The following SH3RF3 variants were observed in gnomAD, a reference collection of about 807,000 sequenced individuals.
The protein encoded by SH3RF3 is E3 ubiquitin-protein ligase SH3RF3.
SH3RF3 carries 29 observed loss-of-function variants against 66.3 expected under a neutral mutation model. That is an observed-to-expected ratio of 0.44 (90% CI 0.33 to 0.60). The LOEUF is 0.60. Ranked by LOEUF, SH3RF3 falls within the 20% of genes least tolerant of loss-of-function variation. The pLI, the probability that SH3RF3 is intolerant of heterozygous loss-of-function variation, is 0.04. For synonymous variants in SH3RF3, 583 were observed against 532.0 expected, an observed-to-expected ratio of 1.10 and a Z score of -1.32; for missense variants, 1,194 against 1,190.9, an observed-to-expected ratio of 1.00 and a Z score of -0.04.
chr2:109,460,051 C>A (rs1678171065), intron 8 of SH3RF3, among the ~76,000 whole-genome samples: 1 of 152,228 alleles, frequency 6.6e-6, no homozygotes, highest in Admixed American at 6.5e-5. Context: ...TTCTGTCAAG[C>A]CAGCTGCCAG....
intron 1 of SH3RF3, among the ~76,000 whole-genome samples, chr2:109,191,949 C>T (rs6542802): frequency 0.49 from 73,980 of 151,912 alleles, 19,099 homozygotes; most frequent in South Asian, 0.61. Context: ...TGGTGCTTCT[C>T]GGATTGACAA....
intron 1 of SH3RF3, among the ~76,000 whole-genome samples, chr2:109,266,303 TTG>T: frequency 6.6e-6 from 1 of 151,538 alleles, no homozygotes; most frequent in African/African-American, 2.4e-5. Flanking sequence ...TGTGTATGTG[TTG>T]TGTGTGTGTT....
chr2:109,422,601 C>G (rs72945397), intron 5 of SH3RF3, among the ~76,000 whole-genome samples: 15,364 of 98,352 alleles, frequency 0.16, 1,121 homozygotes, highest in East Asian at 0.39. Flanking sequence ...CTTTCCACCC[C>G]CTGCTGTGTT....
At chr2:109,392,264 C>G (rs1676018942) in intron 3 of SH3RF3, among the ~76,000 whole-genome samples, 1 of 152,196 alleles carries the variant, frequency 6.6e-6, no homozygotes, top group Non-Finnish European at 1.5e-5. Flanking sequence ...TCCTCGTACT[C>G]TGCAGTGACG....
At chr2:109,335,445 T>G (rs1682390223) in intron 1 of SH3RF3, among the ~76,000 whole-genome samples, 1 of 152,156 alleles carries the variant, frequency 6.6e-6, no homozygotes, top group Non-Finnish European at 1.5e-5. Context: ...CCACCTCCTC[T>G]CTGCCCCTCA....
intron 1 of SH3RF3, among the ~76,000 whole-genome samples, chr2:109,257,972 C>G (rs1483998948): frequency 6.7e-6 from 1 of 149,270 alleles, no homozygotes; most frequent in Non-Finnish European, 1.5e-5. Flanking sequence ...GCATTTCTTT[C>G]CCTGCTTGAT....
chr2:109,261,751 A>G (rs1015367022), intron 1 of SH3RF3, among the ~76,000 whole-genome samples: 4 of 152,122 alleles, frequency 2.6e-5, no homozygotes, highest in African/African-American at 9.7e-5. Flanking sequence ...ATCGGCAGGC[A>G]TTTCAAGCCT....
At chr2:109,222,065 G>C (rs1326619596) in intron 1 of SH3RF3, among the ~76,000 whole-genome samples, 1 of 152,094 alleles carries the variant, frequency 6.6e-6, no homozygotes, top group Admixed American at 6.5e-5. Context: ...TGAAACTGCA[G>C]GTGGTTATGG....
chr2:109,424,004 G>A (rs1036106486), intron 5 of SH3RF3, among the ~76,000 whole-genome samples: 1 of 152,208 alleles, frequency 6.6e-6, no homozygotes, highest in Non-Finnish European at 1.5e-5. Context: ...CGTCTGGGCC[G>A]CTGCAGGGCC....
chr2:109,305,980 CACAGTAGATCTGGGCAT>C (rs1681585671), intron 1 of SH3RF3, among the ~76,000 whole-genome samples: 1 of 152,216 alleles, frequency 6.6e-6, no homozygotes, highest in African/African-American at 2.4e-5. Flanking sequence ...ATTTAGTGAG[CACAGTAGATCTGGGCAT>C]TACAGAGCTA....
chr2:109,229,612 A>G (rs1679449324), intron 1 of SH3RF3, among the ~76,000 whole-genome samples: 2 of 152,104 alleles, frequency 1.3e-5, no homozygotes, highest in African/African-American at 4.8e-5. Flanking sequence ...GTTGTTCACT[A>G]TCTCTAGGAA....
At chr2:109,273,872 A>G (rs1297183478) in intron 1 of SH3RF3, among the ~76,000 whole-genome samples, 1 of 152,120 alleles carries the variant, frequency 6.6e-6, no homozygotes. Flanking sequence ...GAAAGGAAAC[A>G]AGTAGGCTGC....
intron 1 of SH3RF3, among the ~76,000 whole-genome samples, chr2:109,143,303 G>A (rs1271892023): frequency 6.6e-6 from 1 of 152,172 alleles, no homozygotes; most frequent in Non-Finnish European, 1.5e-5. Flanking sequence ...AGGCTTGGAG[G>A]ACCATAGTTT....
intron 2 of SH3RF3, among the ~76,000 whole-genome samples, chr2:109,350,375 A>AT (rs1300955350): frequency 6.6e-6 from 1 of 152,044 alleles, no homozygotes; most frequent in Non-Finnish European, 1.5e-5. Context: ...CATATCACAG[A>AT]TTCTTTGTTC....
intron 1 of SH3RF3, among the ~76,000 whole-genome samples, chr2:109,328,954 G>A (rs1682221820): frequency 2.0e-5 from 3 of 152,248 alleles, no homozygotes; most frequent in South Asian, 4.1e-4. Context: ...GTCATGACAA[G>A]CTTGGCCACG....
chr2:109,404,498 G>A (rs1296105628), intron 4 of SH3RF3, among the ~76,000 whole-genome samples: 1 of 152,150 alleles, frequency 6.6e-6, no homozygotes, highest in East Asian at 1.9e-4. Flanking sequence ...GGGGAGTGGG[G>A]CCTAGACGGA....
At chr2:109,152,758 G>A (rs534277740) in intron 1 of SH3RF3, among the ~76,000 whole-genome samples, 1 of 152,170 alleles carries the variant, frequency 6.6e-6, no homozygotes, top group East Asian at 1.9e-4. Flanking sequence ...GGGCGGGGGG[G>A]ACCCAGTGTC....
At chr2:109,257,656 G>T (rs1680253113) in intron 1 of SH3RF3, among the ~76,000 whole-genome samples, 1 of 152,124 alleles carries the variant, frequency 6.6e-6, no homozygotes, top group Admixed American at 6.5e-5. Context: ...TGAGTGCCTT[G>T]GTTTGCGCTT....
At chr2:109,291,515 G>A (rs1271864335) in intron 1 of SH3RF3, among the ~76,000 whole-genome samples, 2 of 152,204 alleles carry the variant, frequency 1.3e-5, no homozygotes, top group African/African-American at 4.8e-5. Context: ...GCGGAGGAGC[G>A]CTTGTGAGAT....
Sources: allele counts gnomAD v4.1 joint callset (sites outside exome capture counted in the v4.1 genomes callset), GRCh38; gene constraint gnomAD v4.1.1; transcripts MANE v1.5; gene names NCBI Gene and HGNC (gene_info 2026-07-23, HGNC 2026-07-21).